The following LINGO2 variants were observed in gnomAD, a reference collection of about 807,000 sequenced individuals.
The protein encoded by LINGO2 is leucine rich repeat and Ig domain containing 2, also known as leucine-rich repeat and immunoglobulin-like domain-containing nogo receptor-interacting protein 2.
In LINGO2, 14 loss-of-function variants were observed where a neutral mutation model predicts 30.6. That is an observed-to-expected ratio of 0.46 (90% CI 0.30 to 0.72). The LOEUF (loss-of-function observed/expected upper bound fraction) is 0.72. LINGO2 is among the 30% of genes least tolerant of loss of function. The pLI is 0.07. For synonymous variants in LINGO2, 317 were observed against 288.5 expected (o/e 1.10, Z -1.00); for missense variants, 729 against 751.7 (o/e 0.97, Z 0.35).
At chr9:29,125,002 G>A in the LINGO2 span, among the ~76,000 whole-genome samples, 1 of 152,058 alleles carries the variant, frequency 6.6e-6, no homozygotes, top group Non-Finnish European at 1.5e-5. Context: ...CAAAGACTTG[G>A]AACCAACCAA....
At chr9:28,261,166 A>T (rs1822551789) in intron 4 of LINGO2, among the ~76,000 whole-genome samples, 1 of 152,134 alleles carries the variant, frequency 6.6e-6, no homozygotes, top group African/African-American at 2.4e-5. Context: ...ATAACATGGT[A>T]ATTTTAAAAT....
chr9:28,278,242 C>A (rs1208843203), intron 4 of LINGO2, among the ~76,000 whole-genome samples: 2 of 152,136 alleles, frequency 1.3e-5, no homozygotes, highest in Non-Finnish European at 2.9e-5. Context: ...CACAAAAGTG[C>A]AAGATGAAGC....
At chr9:28,100,154 G>A (rs1051151697) in intron 4 of LINGO2, among the ~76,000 whole-genome samples, 1 of 152,104 alleles carries the variant, frequency 6.6e-6, no homozygotes, top group Non-Finnish European at 1.5e-5. Context: ...TTCACACCTA[G>A]CATCGTACCT....
At chr9:28,107,478 C>T (rs991659164) in intron 4 of LINGO2, among the ~76,000 whole-genome samples, 3 of 152,112 alleles carry the variant, frequency 2.0e-5, no homozygotes, top group Admixed American at 6.6e-5. Flanking sequence ...GGGTTAGAGA[C>T]ACTCTAAGGT....
At chr9:28,844,083 C>T in the LINGO2 span, among the ~76,000 whole-genome samples, 2 of 151,776 alleles carry the variant, frequency 1.3e-5, no homozygotes, top group African/African-American at 4.9e-5. Context: ...CAGGAAACGT[C>T]GGGCACAGTG....
chr9:27,938,049 A>G, the LINGO2 span: 1 of 152,192 alleles, frequency 6.6e-6, no homozygotes, highest in Non-Finnish European at 1.5e-5. Flanking sequence ...GAAGATATCC[A>G]TTCAAACTCT....
the LINGO2 span, among the ~76,000 whole-genome samples, chr9:28,774,022 A>C: frequency 3.4e-5 from 5 of 146,448 alleles, no homozygotes; most frequent in Non-Finnish European, 7.5e-5. Flanking sequence ...ATGTGGGCCA[A>C]ATGTCATTTT....
chr9:28,718,087 T>A, the LINGO2 span, among the ~76,000 whole-genome samples: 1 of 151,082 alleles, frequency 6.6e-6, no homozygotes, highest in Non-Finnish European at 1.5e-5. Flanking sequence ...ACAGAAAAAA[T>A]TTAAAAGATT....
the LINGO2 span, among the ~76,000 whole-genome samples, chr9:29,165,320 T>C: frequency 1.3e-5 from 2 of 152,196 alleles, no homozygotes; most frequent in African/African-American, 2.4e-5. Context: ...ACATTGAGAA[T>C]AATGACTCAA....
At chr9:29,200,867 G>A in the LINGO2 span, among the ~76,000 whole-genome samples, 1 of 152,012 alleles carries the variant, frequency 6.6e-6, no homozygotes, top group Non-Finnish European at 1.5e-5. Context: ...GTTTTGAGGA[G>A]TACTGATCAG....
At chr9:29,108,744 C>A in the LINGO2 span, among the ~76,000 whole-genome samples, 2 of 152,152 alleles carry the variant, frequency 1.3e-5, no homozygotes, top group Non-Finnish European at 2.9e-5. Context: ...ATTACATGAG[C>A]TTGACTACAG....
intron 1 of LINGO2, among the ~76,000 whole-genome samples, chr9:28,615,504 A>C (rs1479201661): frequency 6.6e-6 from 1 of 152,156 alleles, no homozygotes; most frequent in East Asian, 1.9e-4. Context: ...ACACACAATA[A>C]ATATTTTCAG....
intron 1 of LINGO2, among the ~76,000 whole-genome samples, chr9:28,491,077 G>T (rs184171616): frequency 2.2e-4 from 34 of 152,334 alleles, no homozygotes; most frequent in Admixed American, 6.5e-4. Flanking sequence ...GAGTATTGTA[G>T]TGTGTATGTT....
In LINGO2 at chr9:28,397,102, G is replaced by A. The variant is rs553934389; in HGVS notation, c.-278-24234C>T. ...GGAATGTTTGTCAAGTAACTCATGA[G>A]TACTTCCTTCCTAATAATCCTGGAC... On this transcript the variant is annotated intron_variant, in intron 2 of 5. Transcript: ENST00000379992. Among the ~76,000 whole-genome samples, 213 of 152,044 alleles carry A rather than the reference G, an allele frequency of 1.4e-3. 1 individual carries two copies. Among genetic ancestry groups the A allele is most frequent in the Non-Finnish European group, 1.8e-3 (124 of 67,986 alleles).
the LINGO2 span, among the ~76,000 whole-genome samples, chr9:28,765,055 A>T: frequency 1.6e-3 from 251 of 152,164 alleles, 3 homozygotes; most frequent in African/African-American, 5.8e-3. Flanking sequence ...AATATTGTTA[A>T]AATGTTCATA....
the LINGO2 span, among the ~76,000 whole-genome samples, chr9:28,684,214 G>A: frequency 1.3e-5 from 1 of 76,338 alleles, no homozygotes; most frequent in Admixed American, 2.0e-4. Flanking sequence ...TTGAGATGGA[G>A]TCTTTCTCTG....
chr9:28,443,745 G>A (rs1162265532), intron 2 of LINGO2, among the ~76,000 whole-genome samples: 1 of 152,150 alleles, frequency 6.6e-6, no homozygotes, highest in Non-Finnish European at 1.5e-5. Flanking sequence ...ACTCAGTGTG[G>A]GCCTGTGGGC....
chr9:28,881,966 C>T, the LINGO2 span, among the ~76,000 whole-genome samples: 1 of 152,166 alleles, frequency 6.6e-6, no homozygotes, highest in Admixed American at 6.6e-5. Flanking sequence ...GGTTTTGAGG[C>T]TTTAATATTG....
chr9:28,849,992 C>G, the LINGO2 span, among the ~76,000 whole-genome samples: 4 of 152,008 alleles, frequency 2.6e-5, no homozygotes, highest in Non-Finnish European at 5.9e-5. Context: ...CTTCTAAGCC[C>G]ATGGTCTTAA....
Sources: allele counts gnomAD v4.1 joint callset (sites outside exome capture counted in the v4.1 genomes callset), GRCh38; gene constraint gnomAD v4.1.1; transcripts MANE v1.5; gene names NCBI Gene and HGNC (gene_info 2026-07-23, HGNC 2026-07-21).